XDH: variants seen among roughly 807,000 people sequenced by gnomAD.
The protein encoded by XDH is xanthine dehydrogenase, also known as xanthine dehydrogenase/oxidase.
Under a neutral mutation model 156.1 loss-of-function variants are expected in XDH, and 138 were observed. The observed-to-expected ratio is 0.88, with a 90% confidence interval of 0.77 to 1.02. XDH has a LOEUF of 1.02. Ranked by LOEUF, XDH falls within the 50% of genes least tolerant of loss-of-function variation. The probability of loss-of-function intolerance (pLI) is 0.00; values close to 1 mark genes in which losing one functional copy is unlikely to be tolerated. For missense variants in XDH, 1,849 were observed against 1,684.9 expected (o/e 1.10, Z -1.71); for synonymous variants, 669 against 625.7 (o/e 1.07, Z -1.03).
At chr2:31,341,682 G>A (rs574970561) in intron 32 of XDH, among the ~76,000 whole-genome samples, 2 of 152,078 alleles carry the variant, frequency 1.3e-5, no homozygotes, top group Admixed American at 1.3e-4. Context: ...GTCAGATAGG[G>A]TCCCAGAAAC....
intron 32 of XDH, 35 bp from the exon 33 acceptor site, chr2:31,341,429 G>C (rs751223626): frequency 1.9e-6 from 3 of 1,551,964 alleles, no homozygotes; most frequent in African/African-American, 1.4e-5. Flanking sequence ...GAAGTTAGAG[G>C]AGGAAAAGAT....
intron 5 of XDH, 56 bp downstream of exon 5, chr2:31,398,517 C>T: frequency 1.2e-6 from 2 of 1,611,304 alleles, no homozygotes; most frequent in South Asian, 2.2e-5. Flanking sequence ...TTGCCCTGAC[C>T]TCTGCAGGGC....
In XDH at chr2:31,334,767, A is replaced by G. The variant is rs2148745153; in HGVS notation, c.*1191T>C. The stretch of plus-strand genomic sequence containing the variant: ...CACAGGAAGGGGAATTGACAGTCCA[A>G]GATCACAAAGATAGAGACAGAAGAG... On this transcript the variant is annotated 3_prime_UTR_variant, in exon 36 of 36. Coordinates refer to ENST00000379416, the MANE Select transcript of XDH (RefSeq NM_000379.4). The G allele has an allele frequency of 6.6e-6, 1 of 152,350 alleles. No individual in the cohort carries two copies. The highest frequency in any genetic ancestry group is 1.9e-4 in the East Asian group (1 of 5,192). The allele number at this position is 152,350 out of a possible 1,614,324, so 9.4% of individuals were successfully genotyped here. A position where few individuals can be genotyped will look rare whatever the true frequency, so the allele number is the denominator to read the frequency against.
chr2:31,357,594 T>C (rs1685659162), intron 24 of XDH, among the ~76,000 whole-genome samples: 1 of 151,918 alleles, frequency 6.6e-6, no homozygotes, highest in Admixed American at 6.6e-5. Context: ...TTAATACATA[T>C]AAAAATATAG....
chr2:31,388,337 A>T, intron 6 of XDH, 42 bp from the exon 7 acceptor site: 2 of 1,601,692 alleles, frequency 1.2e-6, no homozygotes, highest in South Asian at 2.2e-5. Context: ...ATTTACAAAG[A>T]GTATTTGCAG....
intron 6 of XDH, among the ~76,000 whole-genome samples, chr2:31,397,188 C>T (rs990063184): frequency 6.6e-6 from 1 of 152,188 alleles, no homozygotes; most frequent in Non-Finnish European, 1.5e-5. Flanking sequence ...TGCAGGGGTT[C>T]ACAAACTGTC....
intron 20 of XDH, 56 bp from the exon 21 acceptor site, chr2:31,367,050 T>C (rs1016442830): frequency 2.5e-5 from 40 of 1,613,264 alleles, no homozygotes; most frequent in Non-Finnish European, 3.3e-5. Context: ...AGGGGCCAGC[T>C]TGCCTAAGGA....
chr2:31,381,784 A>G, intron 11 of XDH, 58 bp from the exon 12 acceptor site: 7 of 1,506,926 alleles, frequency 4.6e-6, no homozygotes, highest in Non-Finnish European at 6.4e-6. Context: ...CTGCTCACGT[A>G]GCAGGCTCCT....
In XDH at chr2:31,365,850, G is replaced by C. The variant is rs143411824; in HGVS notation, c.2456+126C>G. 8 of 1,480,560 alleles carry C rather than the reference G, an allele frequency of 5.4e-6. No individual in the cohort carries two copies. The East Asian group carries it at 1.9e-4, about 36-fold the overall frequency. The allele number at this position is 1,480,560 out of a possible 1,614,324, so 91.7% of individuals were successfully genotyped here. On this transcript the variant is annotated intron_variant, in intron 22 of 35. Coordinates refer to ENST00000379416, the MANE Select transcript of XDH (RefSeq NM_000379.4). Reference sequence around the variant, plus strand: ...ATGCCCAAGGGTTCTAAAAACAGAGGGCTGTGAGAATTCAAAGCAGGGGGA... The same window carrying C: ...ATGCCCAAGGGTTCTAAAAACAGAGCGCTGTGAGAATTCAAAGCAGGGGGA...
At chr2:31,410,754 G>C (rs1226155749) in intron 1 of XDH, among the ~76,000 whole-genome samples, 1 of 152,102 alleles carries the variant, frequency 6.6e-6, no homozygotes, top group Admixed American at 6.6e-5. Context: ...AAAAAAACTG[G>C]CCTGTTCTTT....
chr2:31,386,222 G>A (rs927612821), intron 9 of XDH, among the ~76,000 whole-genome samples, 192 bp downstream of exon 9: 3 of 152,178 alleles, frequency 2.0e-5, no homozygotes, highest in African/African-American at 7.2e-5. Flanking sequence ...CCAGGCCTGT[G>A]GGACTCCACA....
chr2:31,341,914 A>T (rs1275119021), intron 32 of XDH, among the ~76,000 whole-genome samples: 1 of 152,254 alleles, frequency 6.6e-6, no homozygotes, highest in Non-Finnish European at 1.5e-5. Context: ...ATCATATTTT[A>T]TTGGAACAGA....
rs1474754922 is a variant in XDH, at chr2:31,348,315, G to A, written c.3100C>T (p.His1034Tyr). ...VYTDGSVLLTHGGTEMGQGLH... is the reference protein window; with the variant it reads ...VYTDGSVLLTYGGTEMGQGLH... ...CCTTGGCCCATCTCAGTCCCCCCGT[G>A]GGTCAGCAGCACAGAGCCATCTGTG... The change falls in exon 28 of 36, where the codon CAC becomes TAC. Residue 1034 changes from histidine (H) to tyrosine (Y), a missense_variant. His to Tyr is a moderately conservative substitution (Grantham distance 83). Transcript: ENST00000379416. 6.2e-7 allele frequency: 1 copy of A among 1,614,200 alleles called. No individual in the cohort carries two copies. The highest frequency in any genetic ancestry group is 1.1e-5 in the South Asian group (1 of 91,082).
At chr2:31,405,721 CA>C (rs2148010255) in intron 2 of XDH, among the ~76,000 whole-genome samples, 185 bp downstream of exon 2, 1 of 152,284 alleles carries the variant, frequency 6.6e-6, no homozygotes, top group South Asian at 2.1e-4. Flanking sequence ...ACAATCCTCT[CA>C]TTCAGTAGCT....
At chr2:31,365,158 G>A (rs548253494) in intron 23 of XDH, among the ~76,000 whole-genome samples, 14 of 152,128 alleles carry the variant, frequency 9.2e-5, no homozygotes, top group Non-Finnish European at 1.8e-4. Flanking sequence ...GCTACCAAGC[G>A]CGATGGTTTA....
intron 6 of XDH, among the ~76,000 whole-genome samples, chr2:31,392,661 G>T (rs1258614720): frequency 6.6e-6 from 1 of 152,054 alleles, no homozygotes; most frequent in African/African-American, 2.4e-5. Context: ...CTGACCTCGT[G>T]ATCCGCCCGC....
Position 31,361,188 on chromosome 2 carries a change from C to T in XDH, c.2631+2970G>A, listed in dbSNP as rs143366786. 8.8e-4 allele frequency among the ~76,000 whole-genome samples: 134 copies of T among 152,352 alleles called. 1 individual carries two copies. Among genetic ancestry groups the T allele is most frequent in the African/African-American group, 3.1e-3 (131 of 41,592 alleles). On this transcript the variant is annotated intron_variant, in intron 24 of 35. Transcript: ENST00000379416. ...GAATAACTTGTATGCTACAAACACG[C>T]TCCTTCCACTCATCGTAACAGCCCA... is the stretch of plus-strand genomic sequence containing the variant.
intron 30 of XDH, among the ~76,000 whole-genome samples, chr2:31,345,908 A>C (rs1046603841): frequency 2.0e-5 from 3 of 152,136 alleles, no homozygotes; most frequent in Admixed American, 6.5e-5. Context: ...TGATAAATCC[A>C]TGCTAAAACC....
At chr2:31,384,156 T>TGTGTG (rs1572552142) in intron 9 of XDH, 84 of 62,222 alleles carry the variant, frequency 1.4e-3, no homozygotes, top group South Asian at 3.9e-3. Flanking sequence ...GTGTGTGTGT[T>TGTGTG]TGTGTACATT....
Sources: allele counts gnomAD v4.1 joint callset (sites outside exome capture counted in the v4.1 genomes callset), GRCh38; gene constraint gnomAD v4.1.1; transcripts MANE v1.5; gene names NCBI Gene and HGNC (gene_info 2026-07-23, HGNC 2026-07-21).